Variants in CNTNAP2 observed in about 807,000 individuals in gnomAD.
CNTNAP2 encodes contactin associated protein 2.
CNTNAP2 carries 98 observed loss-of-function variants against 155.2 expected under a neutral mutation model. The observed-to-expected ratio is 0.63, with a 90% CI of 0.54 to 0.75. The LOEUF is 0.75. CNTNAP2 is among the 30% of genes least tolerant of loss of function. CNTNAP2 has a pLI of 0.00. For synonymous variants in CNTNAP2, 651 were observed against 631.2 expected (o/e 1.03, Z -0.47); for missense variants, 1,727 against 1,688.1 (o/e 1.02, Z -0.40).
chr7:146,272,520 G>A (rs1377745300), intron 1 of CNTNAP2, among the ~76,000 whole-genome samples: 3 of 152,146 alleles, frequency 2.0e-5, no homozygotes, highest in East Asian at 1.9e-4. Context: ...CTGGCTCCCC[G>A]CTGGTAGAAG....
chr7:147,669,039 T>C (rs1225028531), intron 13 of CNTNAP2, among the ~76,000 whole-genome samples: 2 of 152,190 alleles, frequency 1.3e-5, no homozygotes, highest in Non-Finnish European at 2.9e-5. Context: ...GTGTTACAGT[T>C]GCCTAAGGTA....
intron 1 of CNTNAP2, among the ~76,000 whole-genome samples, chr7:146,456,663 G>A (rs1322976984): frequency 6.6e-6 from 1 of 152,056 alleles, no homozygotes; most frequent in African/African-American, 2.4e-5. Context: ...TTCTCCTTAA[G>A]GCCTCACATC....
At position 147,862,956 on chromosome 7, in the gene CNTNAP2, G is replaced by T. The variant is rs180688603; in HGVS notation, c.2099-40609G>T. Among the ~76,000 whole-genome samples the T allele has an allele frequency of 2.2e-3, 339 of 152,022 alleles. 1 individual carries two copies. Among genetic ancestry groups the T allele is most frequent in the African/African-American group, 7.9e-3 (327 of 41,474 alleles). Reference sequence around the variant, plus strand: ...ATATTTTTATATATATATATTTTAAGTTCTAGGGTACATGTTCACAACGTG... The same window carrying T: ...ATATTTTTATATATATATATTTTAATTTCTAGGGTACATGTTCACAACGTG... On this transcript the variant is annotated intron_variant, in intron 13 of 23. Transcript: ENST00000361727.
intron 18 of CNTNAP2, among the ~76,000 whole-genome samples, chr7:148,177,242 A>G (rs1234271937): frequency 3.9e-5 from 6 of 152,182 alleles, no homozygotes; most frequent in African/African-American, 1.4e-4. Flanking sequence ...GATTATGGTA[A>G]GTTGAGGTCA....
chr7:148,057,262 T>C (rs1346376552), intron 15 of CNTNAP2, among the ~76,000 whole-genome samples: 1 of 152,140 alleles, frequency 6.6e-6, no homozygotes, highest in African/African-American at 2.4e-5. Context: ...AGTAGCCAGG[T>C]ATACAAGTAG....
At chr7:146,826,553 G>A (rs1403230647) in intron 2 of CNTNAP2, among the ~76,000 whole-genome samples, 2 of 152,014 alleles carry the variant, frequency 1.3e-5, no homozygotes, top group African/African-American at 4.8e-5. Flanking sequence ...TCACTCTGCT[G>A]ACCCACATAA....
chr7:147,798,828 G>T (rs1231776297), intron 13 of CNTNAP2, among the ~76,000 whole-genome samples: 1 of 152,182 alleles, frequency 6.6e-6, no homozygotes, highest in African/African-American at 2.4e-5. Flanking sequence ...AAAAAGGAGA[G>T]CAGAGAATGA....
At chr7:146,585,864 G>C (rs746642089) in intron 1 of CNTNAP2, among the ~76,000 whole-genome samples, 2 of 152,048 alleles carry the variant, frequency 1.3e-5, no homozygotes, top group Non-Finnish European at 2.9e-5. Flanking sequence ...CAAAGAATTG[G>C]GGTGGTCGTG....
At chr7:148,104,266 A>T (rs1311651836) in intron 15 of CNTNAP2, among the ~76,000 whole-genome samples, 1 of 152,212 alleles carries the variant, frequency 6.6e-6, no homozygotes, top group Non-Finnish European at 1.5e-5. Context: ...AGAGCACAAA[A>T]AGGAAACTTT....
intron 13 of CNTNAP2, among the ~76,000 whole-genome samples, chr7:147,797,347 G>A (rs1383602582): frequency 6.6e-6 from 1 of 151,650 alleles, no homozygotes; most frequent in African/African-American, 2.4e-5. Context: ...ACTTCTATAT[G>A]TTGCATTTTA....
intron 1 of CNTNAP2, among the ~76,000 whole-genome samples, chr7:146,289,838 TCAAA>T (rs1473020074): frequency 2.0e-5 from 3 of 152,304 alleles, no homozygotes; most frequent in Non-Finnish European, 4.4e-5. Context: ...TGTCTTTCTG[TCAAA>T]CATTCTAAAA....
intron 1 of CNTNAP2, among the ~76,000 whole-genome samples, chr7:146,167,323 G>A (rs1798326762): frequency 6.6e-6 from 1 of 152,154 alleles, no homozygotes; most frequent in Admixed American, 6.5e-5. Flanking sequence ...TGGAAACACA[G>A]AAGAAGAGAC....
chr7:148,358,634 C>T (rs76373290), intron 21 of CNTNAP2, among the ~76,000 whole-genome samples: 2,967 of 152,250 alleles, frequency 0.019, 94 homozygotes, highest in African/African-American at 0.068. Flanking sequence ...AACAGGCCTC[C>T]CTTTTAATAC....
chr7:148,115,138 T>A (rs565116005), intron 15 of CNTNAP2, among the ~76,000 whole-genome samples: 45 of 152,358 alleles, frequency 3.0e-4, no homozygotes, highest in Non-Finnish European at 5.9e-4. Context: ...TAGATTGAAG[T>A]TGCTTAGTGA....
chr7:147,683,267 C>T (rs531090939), intron 13 of CNTNAP2, among the ~76,000 whole-genome samples: 1 of 151,886 alleles, frequency 6.6e-6, no homozygotes, highest in South Asian at 2.1e-4. Context: ...AAAAATGAAA[C>T]TTTGATATAT....
intron 3 of CNTNAP2, among the ~76,000 whole-genome samples, chr7:146,911,201 G>T (rs1345676308): frequency 1.3e-5 from 2 of 152,080 alleles, no homozygotes; most frequent in Non-Finnish European, 2.9e-5. Context: ...CTTTTACACT[G>T]TTGGTGGGAC....
chr7:147,723,716 C>T (rs1796601446), intron 13 of CNTNAP2, among the ~76,000 whole-genome samples: 1 of 152,018 alleles, frequency 6.6e-6, no homozygotes, highest in African/African-American at 2.4e-5. Flanking sequence ...ACTCACTTCA[C>T]CTCATTCAGT....
chr7:147,654,804 A>ACTTCTT (rs1795500343), intron 13 of CNTNAP2, among the ~76,000 whole-genome samples: 1 of 104,026 alleles, frequency 9.6e-6, no homozygotes, highest in Non-Finnish European at 1.9e-5. Context: ...AGCAAAATAT[A>ACTTCTT]TTTCTTTTTT....
intron 1 of CNTNAP2, among the ~76,000 whole-genome samples, chr7:146,261,615 T>C (rs1352981756): frequency 6.6e-6 from 1 of 152,044 alleles, no homozygotes; most frequent in African/African-American, 2.4e-5. Flanking sequence ...TCAAATCTTC[T>C]AAAAATTTCT....
Sources: gnomAD v4.1 joint callset for allele counts (sites outside exome capture counted in the v4.1 genomes callset) on GRCh38, gnomAD v4.1.1 for gene constraint, MANE v1.5 for transcripts, NCBI Gene and HGNC (gene_info 2026-07-23, HGNC 2026-07-21) for gene names.